DIP2C: variants seen among roughly 807,000 people sequenced by gnomAD.
DIP2C encodes the protein disco-interacting protein 2 homolog C.
A neutral mutation model predicts 192.4 loss-of-function variants in DIP2C; 33 were observed. The observed-to-expected ratio is 0.17, with a 90% CI of 0.13 to 0.23. The LOEUF (loss-of-function observed/expected upper bound fraction) is 0.23, where lower values mean the gene tolerates loss of function less well. Ranked by LOEUF, DIP2C falls within the 10% of genes least tolerant of loss-of-function variation. The pLI is 1.00. For missense variants in DIP2C, 1,537 were observed against 2,110.1 expected, an observed-to-expected ratio of 0.73 and a Z score of 5.32; for synonymous variants, 979 against 864.1, an observed-to-expected ratio of 1.13 and a Z score of -2.33.
At chr10:379,515 G>A (rs939007348) in intron 17 of DIP2C, among the ~76,000 whole-genome samples, 8 of 152,166 alleles carry the variant, frequency 5.3e-5, no homozygotes, top group Non-Finnish European at 5.9e-5. Context: ...CTGGAAGACT[G>A]ACTCATAGCC....
intron 3 of DIP2C, among the ~76,000 whole-genome samples, chr10:465,542 A>G (rs1970131687): frequency 6.6e-6 from 1 of 152,140 alleles, no homozygotes; most frequent in African/African-American, 2.4e-5. Flanking sequence ...GGCCAGGGCA[A>G]TCAGGCAGGA....
At chr10:586,531 G>A (rs61832963) in intron 1 of DIP2C, among the ~76,000 whole-genome samples, 7,175 of 152,144 alleles carry the variant, frequency 0.047, 358 homozygotes, top group African/African-American at 0.13. Context: ...AAACTTTCTC[G>A]GCCTCCTCCG....
intron 1 of DIP2C, among the ~76,000 whole-genome samples, chr10:544,248 A>T (rs1029387379): frequency 6.6e-6 from 1 of 152,210 alleles, no homozygotes; most frequent in African/African-American, 2.4e-5. Context: ...CATCTTTCAC[A>T]TTCAAGGCTC....
rs769407266 is a variant in DIP2C at position 387,829 on chromosome 10, A to G, written c.1598-20T>C. 2.7e-5 allele frequency: 43 copies of G among 1,614,022 alleles called. No homozygotes were observed. Among genetic ancestry groups the G allele is most frequent in the East Asian group, 1.1e-4 (5 of 44,896 alleles). ...TTTCAGCTGCACAACAGAGGGAGTCAGGAGATTTTTACTTAGGACAGGGCG... is the reference window on the plus strand; with the variant it reads ...TTTCAGCTGCACAACAGAGGGAGTCGGGAGATTTTTACTTAGGACAGGGCG... On this transcript the variant is annotated intron_variant, in intron 13 of 36. Transcript: ENST00000280886.
At chr10:663,038 G>A (rs1248958756) in intron 1 of DIP2C, 4 of 663,148 alleles carry the variant, frequency 6.0e-6, no homozygotes, top group African/African-American at 1.8e-5. Flanking sequence ...TAAACACTCT[G>A]GACCCTGCTG....
chr10:426,694 CTT>C (rs1303369422), intron 4 of DIP2C, among the ~76,000 whole-genome samples: 2 of 152,246 alleles, frequency 1.3e-5, no homozygotes, highest in East Asian at 3.9e-4. Flanking sequence ...GAAATAAAGT[CTT>C]ATATTTACGG....
At chr10:369,656 G>C in intron 17 of DIP2C, 23 bp from the exon 18 acceptor site, 1 of 1,614,064 alleles carries the variant, frequency 6.2e-7, no homozygotes, top group Non-Finnish European at 8.5e-7. Context: ...TTTTTAACTT[G>C]AATATGCAGG....
intron 3 of DIP2C, among the ~76,000 whole-genome samples, chr10:447,891 A>G (rs1589818237): frequency 2.5e-5 from 3 of 120,570 alleles, no homozygotes; most frequent in Admixed American, 1.5e-4. Flanking sequence ...AGGATCACAC[A>G]CAGTGGGGCA....
At chr10:474,853 C>CT (rs1472562895) in intron 2 of DIP2C, among the ~76,000 whole-genome samples, 2 of 151,808 alleles carry the variant, frequency 1.3e-5, no homozygotes, top group African/African-American at 4.8e-5. Flanking sequence ...ATACCCATTC[C>CT]TTTCTCTTCT....
intron 29 of DIP2C, among the ~76,000 whole-genome samples, chr10:332,243 G>A (rs997371963): frequency 1.3e-5 from 2 of 152,166 alleles, no homozygotes; most frequent in African/African-American, 2.4e-5. Flanking sequence ...AAGTGTCCCT[G>A]GAAGTGGCTT....
At chr10:438,436 ATTT>A (rs944494403) in intron 4 of DIP2C, among the ~76,000 whole-genome samples, 1 of 152,262 alleles carries the variant, frequency 6.6e-6, no homozygotes, top group Admixed American at 6.5e-5. Context: ...TACAAATAAC[ATTT>A]TTTTACCATA....
At chr10:545,287 C>G (rs1848227300) in intron 1 of DIP2C, among the ~76,000 whole-genome samples, 1 of 151,424 alleles carries the variant, frequency 6.6e-6, no homozygotes, top group South Asian at 2.1e-4. Context: ...CTGCCTCAGC[C>G]TCCTGGGCAG....
intron 26 of DIP2C, among the ~76,000 whole-genome samples, chr10:348,203 G>C (rs185267201): frequency 1.3e-5 from 2 of 152,234 alleles, no homozygotes; most frequent in Non-Finnish European, 2.9e-5. Flanking sequence ...GGAAAATATA[G>C]CTGAATCCTC....
chr10:498,902 ATG>A (rs1309986943), intron 1 of DIP2C, among the ~76,000 whole-genome samples: 4 of 152,174 alleles, frequency 2.6e-5, no homozygotes, highest in Admixed American at 2.6e-4. Flanking sequence ...AGAGCTGTGA[ATG>A]TGGATTTTCT....
chr10:561,975 CCTGTTCCTACAACTG>C (rs1849245087), intron 1 of DIP2C, among the ~76,000 whole-genome samples: 1 of 152,240 alleles, frequency 6.6e-6, no homozygotes, highest in Admixed American at 6.5e-5. Flanking sequence ...GGGCCGTGCA[CCTGTTCCTACAACTG>C]CTGTCACCAG....
chr10:604,080 CCT>C (rs1852297040), intron 1 of DIP2C, among the ~76,000 whole-genome samples: 1 of 149,082 alleles, frequency 6.7e-6, no homozygotes, highest in South Asian at 2.2e-4. Flanking sequence ...CCTCAGGTCT[CCT>C]CTGAGGCAGA....
intron 25 of DIP2C, 115 bp downstream of exon 25, chr10:349,216 G>C: frequency 7.0e-7 from 1 of 1,424,408 alleles, no homozygotes; most frequent in Non-Finnish European, 9.4e-7. Context: ...ATACAGTGCA[G>C]ACTCCCAGCC....
chr10:676,948 A>G lies in DIP2C; in HGVS notation c.85+12546T>C, dbSNP rs536880007. 8.5e-5 allele frequency among the ~76,000 whole-genome samples: 13 copies of G among 152,344 alleles called. No homozygotes were observed. In the South Asian group the frequency reaches 2.7e-3, roughly 32 times the overall value. The stretch of plus-strand genomic sequence containing the variant: ...AGAAGAGAGGATTTTGAAGATTCCC[A>G]CCATTAAGAAATAACAAATGTTTGA... On this transcript the variant is annotated intron_variant, in intron 1 of 36. Transcript: ENST00000280886.
chr10:564,743 C>T (rs775140190), intron 1 of DIP2C, among the ~76,000 whole-genome samples: 2 of 152,170 alleles, frequency 1.3e-5, no homozygotes, highest in Non-Finnish European at 2.9e-5. Context: ...CCAGGCACTG[C>T]ACAGAACTCA....
Sources: allele counts gnomAD v4.1 joint callset (sites outside exome capture counted in the v4.1 genomes callset), GRCh38; gene constraint gnomAD v4.1.1; transcripts MANE v1.5; gene names NCBI Gene and HGNC (gene_info 2026-07-23, HGNC 2026-07-21).